The following ACTL6A variants were observed in gnomAD, a reference collection of about 807,000 sequenced individuals.
ACTL6A encodes the protein actin-like protein 6A.
In ACTL6A, 5 loss-of-function variants were observed where a neutral mutation model predicts 59.2. The observed-to-expected ratio is 0.08, with a 90% confidence interval of 0.04 to 0.18. The LOEUF is 0.18. ACTL6A is among the 10% of genes least tolerant of loss of function. ACTL6A has a pLI of 1.00. For missense variants in ACTL6A, 285 were observed against 526.9 expected, an observed-to-expected ratio of 0.54 and a Z score of 4.49; for synonymous variants, 154 against 171.8, an observed-to-expected ratio of 0.90 and a Z score of 0.81.
At chr3:179,573,297 ACAATTTCT>A (rs940628186) in intron 3 of ACTL6A, 64 bp from the exon 4 acceptor site, 1 of 1,037,960 alleles carries the variant, frequency 9.6e-7, no homozygotes, top group African/African-American at 1.7e-5. Context: ...AGTCATAGAA[ACAATTTCT>A]CAAAAGATGC....
intron 1 of ACTL6A, among the ~76,000 whole-genome samples, chr3:179,569,422 C>T (rs1012032296): frequency 2.6e-5 from 4 of 152,154 alleles, no homozygotes; most frequent in African/African-American, 9.7e-5. Context: ...ACTGAAATTA[C>T]CCAGTTTTAG....
At chr3:179,576,352 T>C in intron 6 of ACTL6A, 41 bp downstream of exon 6, 1 of 1,414,322 alleles carries the variant, frequency 7.1e-7, no homozygotes, top group Non-Finnish European at 9.7e-7. Context: ...TGATTTTAGA[T>C]GCCATGAGGA....
chr3:179,574,492 T>C (rs1287079677), intron 5 of ACTL6A, 25 bp downstream of exon 5: 1 of 1,449,974 alleles, frequency 6.9e-7, no homozygotes. Flanking sequence ...GTAATACCTT[T>C]CCTCTTGAAG....
rs368778776 is a variant in ACTL6A, at chr3:179,576,301, C to T, written c.561C>T (p.Val187=). The change falls in exon 6 of 14, where the codon GTC becomes GTT. Residue 187 remains valine (V), a synonymous_variant. Transcript: ENST00000429709. ...TTAIPVHDGY[V]LQQGIVKSPL... The stretch of plus-strand genomic sequence containing the variant: ...CAATTCCAGTCCACGATGGCTATGT[C>T]CTTCAACAAGGTAAATGTATTTAAC... 16 of 1,596,708 alleles carry T rather than the reference C, an allele frequency of 1.0e-5. No individual in the cohort carries two copies. The highest frequency in any genetic ancestry group is 2.2e-5 in the East Asian group (1 of 44,674).
At chr3:179,587,852 C>G (rs1718555384) in intron 13 of ACTL6A, 78 bp from the exon 14 acceptor site, 1 of 1,206,732 alleles carries the variant, frequency 8.3e-7, no homozygotes, top group African/African-American at 1.6e-5. Flanking sequence ...AAGACCTTCT[C>G]TCAAAAAAAA....
At chr3:179,574,184 C>G (rs1196831240) in intron 4 of ACTL6A, among the ~76,000 whole-genome samples, 186 bp from the exon 5 acceptor site, 2 of 151,950 alleles carry the variant, frequency 1.3e-5, no homozygotes, top group Non-Finnish European at 2.9e-5. Context: ...TAATCTACAT[C>G]TAAAGAAATA....
chr3:179,563,024 T>C lies in ACTL6A; in HGVS notation c.-69T>C. 1 of 1,585,476 alleles carries C rather than the reference T, an allele frequency of 6.3e-7. No individual in the cohort carries two copies. The highest frequency in any genetic ancestry group is 1.1e-5 in the South Asian group (1 of 88,920). ...GTCAGGGGCTATCGCTCCTCGAGAC[T>C]CGCAGTCGCGGCCACTGCAGTCACT... On this transcript the variant is annotated 5_prime_UTR_variant, in exon 1 of 14. Transcript: ENST00000429709.
At chr3:179,580,577 T>C in intron 8 of ACTL6A, 63 bp from the exon 9 acceptor site, 1 of 1,165,432 alleles carries the variant, frequency 8.6e-7, no homozygotes, top group South Asian at 1.4e-5. Context: ...AAATATGTTA[T>C]AAAAGTATAG....
At chr3:179,587,854 CAAAAA>C in intron 13 of ACTL6A, 71 bp from the exon 14 acceptor site, 1 of 1,046,178 alleles carries the variant, frequency 9.6e-7, no homozygotes, top group Non-Finnish European at 1.3e-6. Flanking sequence ...GACCTTCTCT[CAAAAA>C]AAAAAAATTT....
chr3:179,566,067 ACT>A (rs1383724758), intron 1 of ACTL6A, among the ~76,000 whole-genome samples: 7 of 152,056 alleles, frequency 4.6e-5, no homozygotes, highest in African/African-American at 1.5e-4. Flanking sequence ...GTTCACAAAA[ACT>A]CTCAGATTTT....
intron 8 of ACTL6A, among the ~76,000 whole-genome samples, chr3:179,580,229 A>G (rs990166043): frequency 3.3e-5 from 5 of 152,230 alleles, no homozygotes; most frequent in African/African-American, 1.2e-4. Context: ...GTTTTATACT[A>G]TGTACAGTCA....
chr3:179,583,499 C>A, intron 12 of ACTL6A, 51 bp downstream of exon 12: 3 of 1,431,410 alleles, frequency 2.1e-6, no homozygotes, highest in African/African-American at 2.8e-5. Flanking sequence ...TATTTCCTCA[C>A]TGATGGTGTA....
intron 1 of ACTL6A, among the ~76,000 whole-genome samples, chr3:179,569,231 C>A (rs919723425): frequency 1.3e-5 from 2 of 152,176 alleles, no homozygotes; most frequent in Non-Finnish European, 2.9e-5. Flanking sequence ...AGGTAGCCCT[C>A]CCCATACAAC....
At position 179,570,477 on chromosome 3, in the gene ACTL6A, A is replaced by G. The variant is rs1717970609; in HGVS notation, c.277+236A>G. ...GATGTATATATACAAATAATGGTAC[A>G]CTGTGGGATAAGTGGTACAATATAG... is the stretch of plus-strand genomic sequence containing the variant. On this transcript the variant is annotated intron_variant, in intron 3 of 13. Coordinates refer to ENST00000429709, the MANE Select transcript of ACTL6A (RefSeq NM_004301.5). The surrounding 1 kb of genome is among the most constrained non-coding windows in gnomAD (Gnocchi z 4.3). 2.5e-6 allele frequency: 1 copy of G among 394,308 alleles called. No individual in the cohort carries two copies. Among genetic ancestry groups the G allele is most frequent in the Non-Finnish European group, 4.6e-6 (1 of 219,194 alleles). 24.4% of individuals were successfully genotyped at this position (394,308 alleles called of 1,614,324 possible).
In ACTL6A at chr3:179,563,046, C is replaced by T; in HGVS notation, c.-47C>T. The T allele has an allele frequency of 6.2e-7, 1 of 1,605,968 alleles. No homozygotes were observed. Among genetic ancestry groups the T allele is most frequent in the African/African-American group, 1.3e-5 (1 of 74,990 alleles). ...GACTCGCAGTCGCGGCCACTGCAGT[C>T]ACTTCGCCAGTTAGCCCTTAGGGTA... On this transcript the variant is annotated 5_prime_UTR_variant, in exon 1 of 14. Coordinates refer to ENST00000429709, the MANE Select transcript of ACTL6A (RefSeq NM_004301.5).
chr3:179,574,560 T>A (rs1718109737), intron 5 of ACTL6A, 93 bp downstream of exon 5: 1 of 935,316 alleles, frequency 1.1e-6, no homozygotes, highest in Admixed American at 2.0e-5. Flanking sequence ...CAATTATTGC[T>A]TGTTCCGAAG....
At chr3:179,563,670 T>C (rs951176107) in intron 1 of ACTL6A, among the ~76,000 whole-genome samples, 6 of 152,242 alleles carry the variant, frequency 3.9e-5, no homozygotes, top group African/African-American at 1.2e-4. Flanking sequence ...CTGCGCCCCA[T>C]GCGCGAGCTG....
chr3:179,576,348 T>A, intron 6 of ACTL6A, 37 bp downstream of exon 6: 1 of 1,446,286 alleles, frequency 6.9e-7, no homozygotes, highest in East Asian at 2.3e-5. Flanking sequence ...GAGATGATTT[T>A]AGATGCCATG....
intron 4 of ACTL6A, 106 bp downstream of exon 4, chr3:179,573,575 G>T: frequency 1.4e-6 from 1 of 727,038 alleles, no homozygotes. Context: ...CTTTAAAGAG[G>T]CATAGAAATT....
Sources: allele counts gnomAD v4.1 joint callset (sites outside exome capture counted in the v4.1 genomes callset), GRCh38; gene constraint gnomAD v4.1.1; non-coding constraint Gnocchi (gnomAD v3.1); transcripts MANE v1.5; gene names NCBI Gene and HGNC (gene_info 2026-07-23, HGNC 2026-07-21).